IL18: variants seen among roughly 807,000 people sequenced by gnomAD.
IL18 encodes the protein interleukin 18, also known as interleukin-18.
IL18 carries 8 observed loss-of-function variants against 14.2 expected under a neutral mutation model. That is an observed-to-expected ratio of 0.56 (90% confidence interval 0.33 to 1.01). IL18 has a LOEUF of 1.01. IL18 is among the 50% of genes least tolerant of loss of function. IL18 has a pLI of 0.03. For synonymous variants in IL18, 67 were observed against 71.0 expected (o/e 0.94, Z 0.28); for missense variants, 166 against 231.1 (o/e 0.72, Z 1.83).
intron 3 of IL18, among the ~76,000 whole-genome samples, chr11:112,152,835 A>G (rs1866468362): frequency 6.6e-6 from 1 of 152,182 alleles, no homozygotes; most frequent in African/African-American, 2.4e-5. Context: ...TCTTTGAGAG[A>G]AAAATTCTCT....
chr11:112,152,779 C>T (rs769831316), intron 3 of IL18, among the ~76,000 whole-genome samples: 1 of 152,194 alleles, frequency 6.6e-6, no homozygotes, highest in Non-Finnish European at 1.5e-5. Context: ...CCAATATCAT[C>T]AGGTTGCTTC....
At chr11:112,143,906 A>G in intron 5 of IL18, 89 bp from the exon 6 acceptor site, 1 of 840,636 alleles carries the variant, frequency 1.2e-6, no homozygotes. Context: ...ACCAAACAGA[A>G]CAAAAGTAGT....
chr11:112,143,888 A>G, intron 5 of IL18, 71 bp from the exon 6 acceptor site: 1 of 1,001,380 alleles, frequency 1.0e-6, no homozygotes, highest in Non-Finnish European at 1.5e-6. Flanking sequence ...TTTGTTTTGA[A>G]GTATATTACC....
At chr11:112,159,741 AAACTTGTTCATTG>A (rs910483690) in intron 1 of IL18, among the ~76,000 whole-genome samples, 11 of 152,344 alleles carry the variant, frequency 7.2e-5, no homozygotes, top group African/African-American at 2.6e-4. Context: ...ATATAAGCTT[AAACTTGTTCATTG>A]AATTTGGCAA....
At chr11:112,149,644 C>T (rs372656504) in intron 4 of IL18, among the ~76,000 whole-genome samples, 19 of 143,088 alleles carry the variant, frequency 1.3e-4, no homozygotes, top group East Asian at 6.3e-4. Context: ...TTCACAGGTA[C>T]GATCACAGTG....
intron 1 of IL18, among the ~76,000 whole-genome samples, chr11:112,159,510 G>A (rs2135323955): frequency 6.6e-6 from 1 of 152,216 alleles, no homozygotes; most frequent in South Asian, 2.1e-4. Flanking sequence ...ATCTGTTGTG[G>A]GTCAAACAGA....
Position 112,143,717 on chromosome 11 carries a change from GAAGATTCA to G in IL18, c.453_460del (p.Glu152IlefsTer10). Reference sequence around the variant, plus strand: ...AGCTAGAAAGTATCCTTCGTATGATGAAGATTCAAATTGCATCTTATTATCATGTCCTG... The same window carrying G: ...AGCTAGAAAGTATCCTTCGTATGATGAATTGCATCTTATTATCATGTCCTG... On this transcript the variant is annotated frameshift_variant, in exon 6 of 6. Transcript: ENST00000280357. LOFTEE classifies it low-confidence loss of function (END_TRUNC). 1 of 1,610,820 alleles carries G rather than the reference GAAGATTCA, an allele frequency of 6.2e-7. No individual in the cohort carries two copies. The highest frequency in any genetic ancestry group is 8.5e-7 in the Non-Finnish European group (1 of 1,177,112).
chr11:112,153,560 T>C (rs1866483783), intron 3 of IL18, 32 bp downstream of exon 3: 7 of 1,502,298 alleles, frequency 4.7e-6, no homozygotes, highest in Non-Finnish European at 6.4e-6. Flanking sequence ...ATACTTAGTT[T>C]GCAAAGAAAA....
At chr11:112,155,103 T>C (rs548583841) in intron 1 of IL18, 42 bp from the exon 2 acceptor site, 6 of 1,166,982 alleles carry the variant, frequency 5.1e-6, no homozygotes, top group South Asian at 5.0e-5. Context: ...ACAATGATTG[T>C]ACCTTTTACT....
At chr11:112,146,682 T>C (rs569329761) in intron 5 of IL18, among the ~76,000 whole-genome samples, 2 of 152,204 alleles carry the variant, frequency 1.3e-5, no homozygotes, top group Admixed American at 1.3e-4. Context: ...AAGATCCTTA[T>C]TAGTGGCAGG....
In IL18 at chr11:112,148,709, A is replaced by G. The variant is rs1866383237; in HGVS notation, c.254T>C (p.Ile85Thr). 2.7e-6 allele frequency: 4 copies of G among 1,481,892 alleles called. No individual in the cohort carries two copies. Among genetic ancestry groups the G allele is most frequent in the Non-Finnish European group, 3.6e-6 (4 of 1,105,902 alleles). The allele number at this position is 1,481,892 out of a possible 1,614,324, so 91.8% of individuals were successfully genotyped here. The change falls in exon 5 of 6, where the codon ATA (isoleucine) becomes ACA (threonine). Residue 85 changes from isoleucine (I) to threonine (T), a missense_variant. Transcript: ENST00000280357. Reference sequence around the variant, plus strand: ...AGGCTGGCTATCTTTATACATACTTATAATAAATATGGTCCGGGGTGCATT... The same window carrying G: ...AGGCTGGCTATCTTTATACATACTTGTAATAAATATGGTCCGGGGTGCATT... ...RDNAPRTIFI[I>T]SMYKDSQPRG...
intron 4 of IL18, among the ~76,000 whole-genome samples, chr11:112,149,321 C>T (rs919946808): frequency 5.3e-5 from 8 of 151,914 alleles, no homozygotes. Flanking sequence ...AACAACCCCA[C>T]AGTTTAATGT....
chr11:112,144,207 C>G (rs1866296835), intron 5 of IL18, among the ~76,000 whole-genome samples: 1 of 152,172 alleles, frequency 6.6e-6, no homozygotes, highest in South Asian at 2.1e-4. Flanking sequence ...ATGACCTCCT[C>G]CCACAAACTT....
rs989666270 is a variant in IL18, at chr11:112,155,203, T to A, written c.-8-142A>T. On this transcript the variant is annotated intron_variant, in intron 1 of 5. Coordinates refer to ENST00000280357, the MANE Select transcript of IL18 (RefSeq NM_001562.4). ...TGACATTCAATAAATGCCAGAAGTT[T>A]CAGCTTATGAATACCCATGTTTAAG... 2.4e-5 allele frequency: 13 copies of A among 537,232 alleles called. 1 individual carries two copies. Among genetic ancestry groups the A allele is most frequent in the Admixed American group, 9.5e-5 (3 of 31,490 alleles). The allele number at this position is 537,232 out of a possible 1,614,324, so 33.3% of individuals were successfully genotyped here.
At chr11:112,147,403 A>G (rs1866361933) in intron 5 of IL18, among the ~76,000 whole-genome samples, 1 of 152,158 alleles carries the variant, frequency 6.6e-6, no homozygotes, top group East Asian at 1.9e-4. Context: ...CAGTTTCTGA[A>G]TCTGCCTCTG....
intron 1 of IL18, among the ~76,000 whole-genome samples, chr11:112,160,075 A>C (rs1374897408): frequency 6.6e-6 from 1 of 152,120 alleles, no homozygotes; most frequent in African/African-American, 2.4e-5. Context: ...AGTCATTCTT[A>C]ACTCCTTTGT....
chr11:112,156,828 A>T (rs1866542259), intron 1 of IL18, among the ~76,000 whole-genome samples: 1 of 151,308 alleles, frequency 6.6e-6, no homozygotes, highest in South Asian at 2.1e-4. Flanking sequence ...TATTTATCAA[A>T]CATTTAAATA....
chr11:112,149,925 C>G, intron 4 of IL18, 147 bp downstream of exon 4: 1 of 725,268 alleles, frequency 1.4e-6, no homozygotes. Context: ...AACGTGGATG[C>G]CTTATAAAGT....
chr11:112,149,919 T>C lies in IL18; in HGVS notation c.226+153A>G, dbSNP rs900492242. Among the ~76,000 whole-genome samples the C allele has an allele frequency of 2.5e-4, 38 of 152,204 alleles. 2 individuals are homozygous for C. ...AATTTTTTACCCCAACTAAAAAACGTGGATGCCTTATAAAGTTTCCTGTAA... is the reference window on the plus strand; with the variant it reads ...AATTTTTTACCCCAACTAAAAAACGCGGATGCCTTATAAAGTTTCCTGTAA... On this transcript the variant is annotated intron_variant, in intron 4 of 5. Transcript: ENST00000280357.
Sources: allele counts gnomAD v4.1 joint callset (sites outside exome capture counted in the v4.1 genomes callset), GRCh38; gene constraint gnomAD v4.1.1; transcripts MANE v1.5; gene names NCBI Gene and HGNC (gene_info 2026-07-23, HGNC 2026-07-21).